The following NAGK variants were observed in gnomAD, a reference collection of about 807,000 sequenced individuals.
NAGK encodes N-acetylglucosamine kinase, also known as N-acetyl-D-glucosamine kinase.
Under a neutral mutation model 42.9 loss-of-function variants are expected in NAGK, and 35 were observed. The ratio of observed to expected loss-of-function variants is 0.82; its 90% CI spans 0.62 to 1.08. The LOEUF (loss-of-function observed/expected upper bound fraction) is 1.08. Ranked by LOEUF, NAGK falls within the 50% of genes least tolerant of loss-of-function variation. The pLI is 0.00. For missense variants in NAGK, 446 were observed against 446.0 expected, an observed-to-expected ratio of 1.00 and a Z score of 0.00; for synonymous variants, 172 against 176.0, an observed-to-expected ratio of 0.98 and a Z score of 0.18.
At position 71,078,444 on chromosome 2, in the gene NAGK, G is replaced by C. The variant is rs759879580; in HGVS notation, c.971G>C (p.Gly324Ala). The C allele has an allele frequency of 1.2e-6, 2 of 1,612,854 alleles. No homozygotes were observed. The highest frequency in any genetic ancestry group is 4.5e-5 in the East Asian group (2 of 44,838). The change falls in exon 10 of 10, where the codon GGG becomes GCG. Residue 324 changes from glycine to alanine, a missense_variant. Physicochemically the swap from Gly to Ala is moderately conservative, Grantham distance 60. Coordinates refer to ENST00000244204, the MANE Select transcript of NAGK (RefSeq NM_017567.6). The stretch of plus-strand genomic sequence containing the variant: ...GCCAGCCTAGGGGCCAGGCACATCG[G>C]GCACCTCCTCCCCATGGACTATAGC... ...GGASLGARHI[G>A]HLLPMDYSAN...
chr2:71,076,619 A>AC lies in NAGK; in HGVS notation c.688dup (p.Leu230ProfsTer25), dbSNP rs1464731432. The stretch of plus-strand genomic sequence containing the variant: ...CCTACCCCAGGTGCTCAGCAGGGAG[A>AC]CCCCCTTTCCCGCTATATCTTCAGG... On this transcript the variant is annotated frameshift_variant, in exon 8 of 10. Coordinates refer to ENST00000244204, the MANE Select transcript of NAGK (RefSeq NM_017567.6). LOFTEE classifies it high-confidence loss of function. 1.2e-5 allele frequency: 20 copies of AC among 1,612,824 alleles called. No individual in the cohort carries two copies. The highest frequency in any genetic ancestry group is 1.6e-5 in the Non-Finnish European group (19 of 1,179,448).
chr2:71,073,251 C>T (rs977698006), intron 5 of NAGK: 2 of 581,394 alleles, frequency 3.4e-6, no homozygotes, highest in African/African-American at 3.7e-5. Context: ...GACACAGCCT[C>T]ACCTATTCTG....
upstream of NAGK, chr2:71,068,500 G>A (rs546845887): frequency 2.1e-6 from 3 of 1,428,940 alleles, no homozygotes; most frequent in African/African-American, 1.5e-5. Flanking sequence ...AAGACAGCCT[G>A]AGGGACGCAG....
chr2:71,072,969 G>A (rs995582370), intron 5 of NAGK: 17 of 603,536 alleles, frequency 2.8e-5, no homozygotes, highest in Middle Eastern at 4.0e-4. Flanking sequence ...TTGCACCCAG[G>A]ACTCAGATTC....
At chr2:71,078,252 T>G (rs554612563) in intron 9 of NAGK, 66 bp from the exon 10 acceptor site, 6 of 1,527,444 alleles carry the variant, frequency 3.9e-6, no homozygotes, top group South Asian at 2.3e-5. Flanking sequence ...TTGTCTGTCT[T>G]CCTTCCTGGC....
chr2:71,068,987 GC>G (rs1671897107), intron 1 of NAGK: 4 of 1,216,944 alleles, frequency 3.3e-6, no homozygotes, highest in Non-Finnish European at 4.1e-6. Context: ...CACCCACTCC[GC>G]TGTCTTCAGC....
intron 3 of NAGK, chr2:71,071,106 T>A (rs1671987065): frequency 2.2e-6 from 1 of 461,052 alleles, no homozygotes. Context: ...CGTAACCCTG[T>A]GTAGGTTACT....
rs1313324474 is a variant in NAGK, at chr2:71,075,561, G to C, written c.586G>C (p.Asp196His). The C allele has an allele frequency of 6.2e-7, 1 of 1,613,470 alleles. No homozygotes were observed. Among genetic ancestry groups the C allele is most frequent in the African/African-American group, 1.3e-5 (1 of 75,036 alleles). Residue 196 changes from aspartate to histidine, a missense_variant, in exon 7 of 10, where the codon GAT (aspartate) becomes CAT (histidine). Asp to His is a moderately conservative substitution (Grantham distance 81). Coordinates refer to ENST00000244204, the MANE Select transcript of NAGK (RefSeq NM_017567.6). Reference sequence around the variant, plus strand: ...GTGCCCTTTCTCCTCTCAGGTGCCAGATCGGCTAGGGATACTCACTCACCT... The same window carrying C: ...GTGCCCTTTCTCCTCTCAGGTGCCACATCGGCTAGGGATACTCACTCACCT... Reference protein sequence around the residue: ...QAMFHYFQVPDRLGILTHLYR... With the variant: ...QAMFHYFQVPHRLGILTHLYR...
chr2:71,076,349 C>T, intron 7 of NAGK: 1 of 389,884 alleles, frequency 2.6e-6, no homozygotes, highest in Non-Finnish European at 4.8e-6. Flanking sequence ...TTAGTGGGTG[C>T]TGCCCTCCCT....
At chr2:71,078,210 C>T in intron 9 of NAGK, 108 bp from the exon 10 acceptor site, 1 of 1,108,452 alleles carries the variant, frequency 9.0e-7, no homozygotes, top group Non-Finnish European at 1.3e-6. Context: ...CCTCCAGCAT[C>T]TCTACAGGAG....
At chr2:71,077,030 C>T (rs1409869672) in intron 8 of NAGK, among the ~76,000 whole-genome samples, 18 of 152,252 alleles carry the variant, frequency 1.2e-4, no homozygotes, top group African/African-American at 4.3e-4. Flanking sequence ...GTAGCGTGAT[C>T]TCAGCTCACT....
chr2:71,071,717 A>T lies in NAGK; in HGVS notation c.245A>T (p.Asp82Val), dbSNP rs778376929. 3 of 1,613,896 alleles carry T rather than the reference A, an allele frequency of 1.9e-6. No individual in the cohort carries two copies. Among genetic ancestry groups the T allele is most frequent in the Non-Finnish European group, 2.5e-6 (3 of 1,179,972 alleles). The change falls in exon 4 of 10, where the codon GAC (aspartate) becomes GTC (valine). Residue 82 changes from aspartate to valine, a missense_variant. Coordinates refer to ENST00000244204, the MANE Select transcript of NAGK (RefSeq NM_017567.6). ...TCTCTGAGCGGTGGGGACCAGGAGG[A>T]CGCGGGGAGGATCCTGATCGAGGAG... ...GLSLSGGDQE[D>V]AGRILIEELR... is the part of the protein sequence containing the mutation.
At chr2:71,074,367 G>T (rs1672135169) in intron 6 of NAGK, among the ~76,000 whole-genome samples, 1 of 152,146 alleles carries the variant, frequency 6.6e-6, no homozygotes, top group Non-Finnish European at 1.5e-5. Context: ...CCAAGGTGAG[G>T]AATAGGAGGG....
chr2:71,073,059 C>G, intron 5 of NAGK: 2 of 464,780 alleles, frequency 4.3e-6, no homozygotes, highest in Non-Finnish European at 8.0e-6. Flanking sequence ...GCCATAGATG[C>G]CAGGAGATGC....
chr2:71,070,685 G>C (rs1304722028), intron 2 of NAGK, 56 bp from the exon 3 acceptor site: 2 of 1,610,534 alleles, frequency 1.2e-6, no homozygotes, highest in African/African-American at 2.7e-5. Flanking sequence ...CAGCCTGTGG[G>C]GGCAACATAG....
At chr2:71,077,526 G>T (rs369739256) in intron 8 of NAGK, 32 bp from the exon 9 acceptor site, 14 of 1,578,732 alleles carry the variant, frequency 8.9e-6, no homozygotes, top group Non-Finnish European at 1.1e-5. Context: ...GGCTAGGTTG[G>T]CCCCCATATC....
intron 1 of NAGK, 88 bp downstream of exon 1, chr2:71,068,800 G>A (rs1671889070): frequency 1.4e-6 from 2 of 1,417,822 alleles, no homozygotes; most frequent in Non-Finnish European, 1.8e-6. Flanking sequence ...CTTGATCCTC[G>A]GCGTCCGGGC....
At chr2:71,073,732 G>A in intron 6 of NAGK, 138 bp downstream of exon 6, 1 of 761,688 alleles carries the variant, frequency 1.3e-6, no homozygotes, top group Non-Finnish European at 2.3e-6. Flanking sequence ...GCAGGGTGAA[G>A]TCATAGGTGA....
intron 5 of NAGK, chr2:71,073,096 G>A (rs1173370467): frequency 4.4e-6 from 2 of 451,638 alleles, no homozygotes; most frequent in Non-Finnish European, 4.1e-6. Context: ...GGGAAAGGGT[G>A]TAGAAGCCCT....
Sources: gnomAD v4.1 joint callset for allele counts (sites outside exome capture counted in the v4.1 genomes callset) on GRCh38, gnomAD v4.1.1 for gene constraint, MANE v1.5 for transcripts, NCBI Gene and HGNC (gene_info 2026-07-23, HGNC 2026-07-21) for gene names.